The following LRP1B variants were observed in gnomAD, a reference collection of about 807,000 sequenced individuals.
LRP1B encodes low-density lipoprotein receptor-related protein 1B.
Under a neutral mutation model 556.6 loss-of-function variants are expected in LRP1B, and 217 were observed. That is an observed-to-expected ratio of 0.39 (90% CI 0.35 to 0.44). The LOEUF is 0.44. LRP1B is among the 20% of genes least tolerant of loss of function. The pLI is 1.00. For missense variants in LRP1B, 5,053 were observed against 5,620.8 expected, an observed-to-expected ratio of 0.90 and a Z score of 3.23; for synonymous variants, 2,047 against 1,865.8, an observed-to-expected ratio of 1.10 and a Z score of -2.50.
At chr2:140,834,549 T>C (rs1332701181) in intron 31 of LRP1B, among the ~76,000 whole-genome samples, 2 of 152,160 alleles carry the variant, frequency 1.3e-5, no homozygotes, top group African/African-American at 4.8e-5. Context: ...TAAATCTAAA[T>C]TACAATTTCG....
At chr2:140,662,452 G>T (rs567677182) in intron 41 of LRP1B, among the ~76,000 whole-genome samples, 1 of 152,102 alleles carries the variant, frequency 6.6e-6, no homozygotes, top group African/African-American at 2.4e-5. Flanking sequence ...GATAGAAAAA[G>T]AAGTGAAGCA....
intron 2 of LRP1B, among the ~76,000 whole-genome samples, chr2:141,674,995 A>T (rs1016998698): frequency 2.0e-5 from 3 of 151,892 alleles, no homozygotes; most frequent in Non-Finnish European, 4.4e-5. Context: ...TTTGATTTGT[A>T]TTTTCACTCA....
At chr2:141,263,897 G>A (rs886733323) in intron 3 of LRP1B, among the ~76,000 whole-genome samples, 1 of 152,082 alleles carries the variant, frequency 6.6e-6, no homozygotes, top group African/African-American at 2.4e-5. Flanking sequence ...CATTTCAATA[G>A]ATGCCCAAAA....
chr2:141,655,384 TG>T (rs1689965957), intron 2 of LRP1B, among the ~76,000 whole-genome samples: 1 of 152,166 alleles, frequency 6.6e-6, no homozygotes, highest in Non-Finnish European at 1.5e-5. Flanking sequence ...GAGCCCTCCC[TG>T]ATGTTATTAG....
rs200111459 is a variant in LRP1B at position 140,315,083 on chromosome 2, T to C, written c.12657A>G (p.Leu4219=). 1.3e-4 allele frequency: 211 copies of C among 1,607,402 alleles called. No homozygotes were observed. Among genetic ancestry groups the C allele is most frequent in the Non-Finnish European group, 1.6e-4 (188 of 1,176,528 alleles). Residue 4219 remains leucine, a synonymous_variant, in exon 83 of 91, where the codon TTA becomes TTG. Transcript: ENST00000389484. The stretch of plus-strand genomic sequence containing the variant: ...TGCATCTTCCTCCATTTTCACAAGT[T>C]AACTTACATGAATCATCTGTTTATG... ...DDSLLDDSCK[L]TCENGGRCIL...
intron 1 of LRP1B, among the ~76,000 whole-genome samples, chr2:142,061,026 A>C (rs991185154): frequency 6.6e-6 from 1 of 151,950 alleles, no homozygotes; most frequent in Non-Finnish European, 1.5e-5. Flanking sequence ...AGGTGAATGA[A>C]AGCAGGGCTA....
In LRP1B at chr2:141,606,946, C is replaced by T. The variant is rs187196684; in HGVS notation, c.206-126413G>A. 4.3e-4 allele frequency among the ~76,000 whole-genome samples: 66 copies of T among 152,194 alleles called. No individual in the cohort carries two copies. In the East Asian group the frequency reaches 7.7e-3, roughly 18 times the overall value. ...TCTGAGTTTTATGCCTTTACAGTTA[C>T]GCTATATAATGCATTATTTTCCCTT... On this transcript the variant is annotated intron_variant, in intron 2 of 90. Transcript: ENST00000389484.
chr2:140,568,626 G>C (rs1681212018), intron 43 of LRP1B, among the ~76,000 whole-genome samples: 1 of 152,010 alleles, frequency 6.6e-6, no homozygotes, highest in South Asian at 2.1e-4. Context: ...TCAGATTCAG[G>C]AAGCTTGCAG....
chr2:140,247,111 G>T lies in LRP1B; in HGVS notation c.13299C>A (p.Ser4433Arg), dbSNP rs1171270062. ...TTGTGCTGATATGATCAGACTTGCT[G>T]CTCTTTGGGGCTGGCCTTTCACACT... ...GTQCERPAPK[S>R]SKSDHISTRS... The change falls in exon 87 of 91, where the codon AGC becomes AGA. Residue 4433 changes from serine to arginine, a missense_variant. Around this residue, in one of 5 missense-constraint regions of LRP1B, gnomAD observed 551 missense variants for 592.0 expected, o/e 0.93. Coordinates refer to ENST00000389484, the MANE Select transcript of LRP1B (RefSeq NM_018557.3). The T allele has an allele frequency of 6.2e-7, 1 of 1,609,318 alleles. No homozygotes were observed.
At chr2:140,610,677 C>A (rs1166269617) in intron 41 of LRP1B, among the ~76,000 whole-genome samples, 1 of 152,202 alleles carries the variant, frequency 6.6e-6, no homozygotes. Flanking sequence ...GCTCCACCTC[C>A]GGGGTGCACG....
chr2:141,248,856 G>A (rs1342240910), intron 4 of LRP1B, among the ~76,000 whole-genome samples: 3 of 152,086 alleles, frequency 2.0e-5, no homozygotes, highest in African/African-American at 7.2e-5. Context: ...CCAAGAAATT[G>A]TCTTTTGAAG....
At chr2:140,469,106 T>C (rs932455437) in intron 60 of LRP1B, among the ~76,000 whole-genome samples, 1 of 152,174 alleles carries the variant, frequency 6.6e-6, no homozygotes, top group African/African-American at 2.4e-5. Flanking sequence ...GACATGAATA[T>C]TGGGGCCCAG....
chr2:141,701,631 C>T (rs1461172901), intron 2 of LRP1B, among the ~76,000 whole-genome samples: 1 of 151,728 alleles, frequency 6.6e-6, no homozygotes, highest in Non-Finnish European at 1.5e-5. Context: ...TAATTGAGGA[C>T]ATCATTTAAA....
intron 2 of LRP1B, among the ~76,000 whole-genome samples, chr2:141,541,367 C>T (rs890651042): frequency 6.6e-6 from 1 of 151,976 alleles, no homozygotes; most frequent in Non-Finnish European, 1.5e-5. Context: ...CTGCCTGTAG[C>T]TGTCAAGTAA....
chr2:140,699,935 G>A (rs1240084160), intron 41 of LRP1B, among the ~76,000 whole-genome samples: 4 of 149,386 alleles, frequency 2.7e-5, no homozygotes, highest in African/African-American at 7.3e-5. Flanking sequence ...AAATCAATTA[G>A]AATAGTTTTA....
chr2:140,811,602 A>G (rs951273140), intron 32 of LRP1B, among the ~76,000 whole-genome samples: 2 of 152,190 alleles, frequency 1.3e-5, no homozygotes, highest in Non-Finnish European at 2.9e-5. Context: ...AAGTTTTTGA[A>G]AACATAATGT....
chr2:140,579,744 A>G (rs1462619484), intron 43 of LRP1B, among the ~76,000 whole-genome samples: 1 of 152,166 alleles, frequency 6.6e-6, no homozygotes, highest in Non-Finnish European at 1.5e-5. Context: ...TGGGAGGCTG[A>G]GGCAGGAGAA....
At chr2:141,596,564 T>C (rs1358411725) in intron 2 of LRP1B, among the ~76,000 whole-genome samples, 1 of 152,022 alleles carries the variant, frequency 6.6e-6, no homozygotes, top group Non-Finnish European at 1.5e-5. Flanking sequence ...ACATTCAACA[T>C]AACCACAAAT....
intron 2 of LRP1B, among the ~76,000 whole-genome samples, chr2:141,483,679 A>T (rs1475215875): frequency 2.0e-5 from 3 of 151,794 alleles, no homozygotes; most frequent in African/African-American, 7.3e-5. Flanking sequence ...ATGGTATCTC[A>T]TTGTGGTTCT....
Sources: gnomAD v4.1 joint callset for allele counts (sites outside exome capture counted in the v4.1 genomes callset) on GRCh38, gnomAD v4.1.1 for gene constraint, gnomAD v4.1.1 regional missense constraint, MANE v1.5 for transcripts, NCBI Gene and HGNC (gene_info 2026-07-23, HGNC 2026-07-21) for gene names.